The following ERCC2 variants were observed in gnomAD, a reference collection of about 807,000 sequenced individuals.
ERCC2 encodes the protein general transcription and DNA repair factor IIH helicase subunit XPD.
Under a neutral mutation model 99.4 loss-of-function variants are expected in ERCC2, and 90 were observed. The observed-to-expected ratio is 0.91, with a 90% confidence interval of 0.76 to 1.08. The LOEUF is 1.08. Among genes scored for constraint, ERCC2 ranks in the 50% least tolerant of loss-of-function variants. The probability of loss-of-function intolerance (pLI) is 0.00; values close to 1 mark genes in which losing one functional copy is unlikely to be tolerated. For synonymous variants in ERCC2, 497 were observed against 432.4 expected (o/e 1.15, Z -1.85); for missense variants, 993 against 1,038.1 (o/e 0.96, Z 0.60).
In ERCC2 at chr19:45,351,597, C is replaced by T. The variant is rs568309088; in HGVS notation, c.*32G>A. On this transcript the variant is annotated 3_prime_UTR_variant, in exon 23 of 23. Transcript: ENST00000391945. ...AGGGCCAGGCAAGACTCAGGAGTCA[C>T]CAGGAACCGTTTATGGCCCCACCCG... The T allele has an allele frequency of 3.1e-6, 5 of 1,612,614 alleles. No individual in the cohort carries two copies. The highest frequency in any genetic ancestry group is 4.2e-6 in the Non-Finnish European group (5 of 1,179,584).
chr19:45,355,706 T>TG lies in ERCC2; in HGVS notation c.1501dup (p.Gln501ProfsTer9). Reference sequence around the variant, plus strand: ...CTCAAATTTGGAGCTGATGGCCACCTGGTCATTGCCACGGCCGATGATCTG... The same window carrying TG: ...CTCAAATTTGGAGCTGATGGCCACCTGGGTCATTGCCACGGCCGATGATCTG... On this transcript the variant is annotated frameshift_variant, in exon 16 of 23. Transcript: ENST00000391945. LOFTEE classifies it high-confidence loss of function. 1 of 1,614,094 alleles carries TG rather than the reference T, an allele frequency of 6.2e-7. No homozygotes were observed. Among genetic ancestry groups the TG allele is most frequent in the Non-Finnish European group, 8.5e-7 (1 of 1,180,006 alleles).
At position 45,350,818 on chromosome 19, in the gene ERCC2, C is replaced by G. The variant is rs978531123; in HGVS notation, c.*811G>C. ...CCACAGCCCACCCCACCCCCACCCC[C>G]ATCTTGCTCAAGAACCTTCCATGGC... On this transcript the variant is annotated 3_prime_UTR_variant, in exon 23 of 23. Coordinates refer to ENST00000391945, the MANE Select transcript of ERCC2 (RefSeq NM_000400.4). 3.7e-6 allele frequency: 5 copies of G among 1,358,830 alleles called. No individual in the cohort carries two copies. The African/African-American group carries it at 5.7e-5, about 16-fold the overall frequency. The allele number at this position is 1,358,830 out of a possible 1,614,324, so 84.2% of individuals were successfully genotyped here. A position where few individuals can be genotyped will look rare whatever the true frequency, so the allele number is the denominator to read the frequency against.
chr19:45,352,467 G>A (rs764227640), intron 21 of ERCC2, 39 bp downstream of exon 21: 3 of 1,613,970 alleles, frequency 1.9e-6, no homozygotes, highest in Non-Finnish European at 2.5e-6. Flanking sequence ...GGTTCTTGGA[G>A]CCTGGGATGG....
chr19:45,350,241 C>T lies in ERCC2; in HGVS notation c.*1388G>A. 1 of 860,390 alleles carries T rather than the reference C, an allele frequency of 1.2e-6. No individual in the cohort carries two copies. The allele number at this position is 860,390 out of a possible 1,614,324, so 53.3% of individuals were successfully genotyped here. On this transcript the variant is annotated 3_prime_UTR_variant, in exon 23 of 23. Transcript: ENST00000391945. ...GTTCAAGACCAGCCTGGGCAACATA[C>T]CAAGACCCCTGTCTCTACAAAAAAA...
Position 45,350,149 on chromosome 19 carries a change from T to TGGTGGTTCA in ERCC2, c.*1471_*1479dup, listed in dbSNP as rs1971655091. ...GCACATTAGAAAGTGGGGCCAGACGTGGTGGTTCACGCTTGTAACCCCAAC... is the reference window on the plus strand; with the variant it reads ...GCACATTAGAAAGTGGGGCCAGACGTGGTGGTTCAGGTGGTTCACGCTTGTAACCCCAAC... On this transcript the variant is annotated 3_prime_UTR_variant, in exon 23 of 23. Coordinates refer to ENST00000391945, the MANE Select transcript of ERCC2 (RefSeq NM_000400.4). The TGGTGGTTCA allele has an allele frequency of 3.4e-6, 2 of 591,380 alleles. No individual in the cohort carries two copies. Among genetic ancestry groups the TGGTGGTTCA allele is most frequent in the Admixed American group, 6.0e-5 (2 of 33,440 alleles). The allele number at this position is 591,380 out of a possible 1,614,324, so 36.6% of individuals were successfully genotyped here.
chr19:45,363,628 A>G (rs764977601), intron 11 of ERCC2, 115 bp downstream of exon 11: 246 of 1,236,076 alleles, frequency 2.0e-4, no homozygotes, highest in Non-Finnish European at 2.6e-4. Flanking sequence ...TGCCTCGCCC[A>G]GCTCACTCAC....
intron 1 of ERCC2, 68 bp downstream of exon 1, chr19:45,370,468 C>A: frequency 2.6e-6 from 4 of 1,534,138 alleles, no homozygotes; most frequent in Non-Finnish European, 3.5e-6. Context: ...CAGGCGCGCC[C>A]ACCGATGACC....
At chr19:45,353,629 G>GCC (rs1971908154) in intron 17 of ERCC2, among the ~76,000 whole-genome samples, 1 of 152,204 alleles carries the variant, frequency 6.6e-6, no homozygotes, top group Non-Finnish European at 1.5e-5. Flanking sequence ...GAGGCAGGCA[G>GCC]AGCCAATCAG....
Position 45,363,790 on chromosome 19 carries a change from G to T in ERCC2, c.1071C>A (p.Phe357Leu). 6.5e-7 allele frequency: 1 copy of T among 1,539,104 alleles called. No homozygotes were observed. Among genetic ancestry groups the T allele is most frequent in the African/African-American group, 1.4e-5 (1 of 73,268 alleles). ...QHVVQESPPA[F>L]LSGLAQRVCI... ...ACACGCGCTGGGCCAGGCCGCTCAG[G>T]AAGGCGGGCGGGCTCTCCTGCACCA... Residue 357 changes from phenylalanine (F) to leucine (L), a missense_variant, in exon 11 of 23, where the codon TTC (phenylalanine) becomes TTA (leucine). Phe to Leu is a conservative substitution (Grantham distance 22). Coordinates refer to ENST00000391945, the MANE Select transcript of ERCC2 (RefSeq NM_000400.4).
Position 45,357,614 on chromosome 19 carries a change from C to A in ERCC2, c.1307+16G>T. ...GACCCACAGAGCATTCACACCCTCACCGGGCAGGGTCCCACCTGAAGTGCA... is the reference window on the plus strand; with the variant it reads ...GACCCACAGAGCATTCACACCCTCAACGGGCAGGGTCCCACCTGAAGTGCA... On this transcript the variant is annotated intron_variant, in intron 13 of 22. Coordinates refer to ENST00000391945, the MANE Select transcript of ERCC2 (RefSeq NM_000400.4). 4.3e-6 allele frequency: 7 copies of A among 1,614,090 alleles called. No homozygotes were observed. Among genetic ancestry groups the A allele is most frequent in the African/African-American group, 1.3e-5 (1 of 75,048 alleles).
chr19:45,355,005 C>T (rs960440777), intron 16 of ERCC2, among the ~76,000 whole-genome samples, 154 bp from the exon 17 acceptor site: 4 of 152,166 alleles, frequency 2.6e-5, no homozygotes, highest in African/African-American at 7.2e-5. Flanking sequence ...TCTGAGGACC[C>T]GCCTTGCCAC....
At chr19:45,368,820 C>CT (rs1280263944) in intron 4 of ERCC2, 77 bp from the exon 5 acceptor site, 55 of 1,555,578 alleles carry the variant, frequency 3.5e-5, no homozygotes, top group Non-Finnish European at 4.9e-5. Flanking sequence ...GTCCCAGTCT[C>CT]TTCCCCAGCT....
At chr19:45,359,995 G>A (rs375274914) in intron 12 of ERCC2, among the ~76,000 whole-genome samples, 27 of 151,638 alleles carry the variant, frequency 1.8e-4, no homozygotes, top group South Asian at 8.3e-4. Context: ...GGCTGGTCTC[G>A]AACTCCTGAC....
intron 17 of ERCC2, 75 bp downstream of exon 17, chr19:45,354,655 G>C (rs1971950116): frequency 8.8e-6 from 14 of 1,585,146 alleles, no homozygotes; most frequent in Middle Eastern, 1.9e-4. Context: ...GAGTGTGAGA[G>C]GAATGAAGCT....
At position 45,365,195 on chromosome 19, in the gene ERCC2, G is replaced by A. The variant is rs767739535; in HGVS notation, c.361-37C>T. The stretch of plus-strand genomic sequence containing the variant: ...GGGCATCTTAGCACCCAGACAGGGT[G>A]GAAACCCAACCACTCTTCAAACCCT... On this transcript the variant is annotated intron_variant, in intron 5 of 22. Coordinates refer to ENST00000391945, the MANE Select transcript of ERCC2 (RefSeq NM_000400.4). 1.2e-5 allele frequency: 19 copies of A among 1,551,016 alleles called. No homozygotes were observed. In the African/African-American group the frequency reaches 1.9e-4, roughly 16 times the overall value.
chr19:45,351,570 C>T lies in ERCC2; in HGVS notation c.*59G>A, dbSNP rs1599721468. 2.5e-6 allele frequency: 4 copies of T among 1,610,684 alleles called. No individual in the cohort carries two copies. The East Asian group carries it at 8.9e-5, about 36-fold the overall frequency. Reference sequence around the variant, plus strand: ...CTTCTAGCACCACCGCCGCTGGGAACCAGGGCCAGGCAAGACTCAGGAGTC... The same window carrying T: ...CTTCTAGCACCACCGCCGCTGGGAATCAGGGCCAGGCAAGACTCAGGAGTC... On this transcript the variant is annotated 3_prime_UTR_variant, in exon 23 of 23. Coordinates refer to ENST00000391945, the MANE Select transcript of ERCC2 (RefSeq NM_000400.4).
In ERCC2 at chr19:45,364,462, C is replaced by T. The variant is rs150708456; in HGVS notation, c.680G>A (p.Arg227His). The T allele has an allele frequency of 1.3e-5, 21 of 1,613,872 alleles. No individual in the cohort carries two copies. The African/African-American group carries it at 1.6e-4, about 12-fold the overall frequency. Reference sequence around the variant, plus strand: ...CTCGTCGAAGACCACGACGGCCTTGCGGGCCAGTTCCTTGGACACCAGGTC... The same window carrying T: ...CTCGTCGAAGACCACGACGGCCTTGTGGGCCAGTTCCTTGGACACCAGGTC... ...IADLVSKELA[R>H]KAVVVFDEAH... Residue 227 changes from arginine to histidine, a missense_variant, in exon 8 of 23, where the codon CGC becomes CAC. Arg to His is a conservative substitution (Grantham distance 29, BLOSUM62 0). Coordinates refer to ENST00000391945, the MANE Select transcript of ERCC2 (RefSeq NM_000400.4).
At position 45,352,789 on chromosome 19, in the gene ERCC2, A is replaced by C; in HGVS notation, c.1859T>G (p.Met620Arg). 1 of 1,609,062 alleles carries C rather than the reference A, an allele frequency of 6.2e-7. No homozygotes were observed. Among genetic ancestry groups the C allele is most frequent in the Non-Finnish European group, 8.5e-7 (1 of 1,177,930 alleles). ...FVHHYGRAVI[M>R]FGVPYVYTQS... ...TGTGTAGACGTAGGGGACGCCAAAC[A>C]TGATGACGGCCCGCCCGTAGTGGTG... is the stretch of plus-strand genomic sequence containing the variant. Residue 620 changes from methionine (M) to arginine (R), a missense_variant, in exon 20 of 23, where the codon ATG becomes AGG. Around this residue, in one of 3 missense-constraint regions of ERCC2, gnomAD observed 909 missense variants for 930.8 expected, o/e 0.98. Coordinates refer to ENST00000391945, the MANE Select transcript of ERCC2 (RefSeq NM_000400.4).
rs552351088 is a variant in ERCC2, at chr19:45,359,780, CT to C, written c.1237+1743del. Among the ~76,000 whole-genome samples, 1,061 of 142,084 alleles carry C rather than the reference CT, an allele frequency of 7.5e-3. 4 individuals carry two copies. The highest frequency in any genetic ancestry group is 0.022 in the African/African-American group (813 of 37,614). 93.2% of individuals were successfully genotyped at this position (142,084 alleles called of 152,430 possible). ...GCCTCTAGTCCCTGCCAGAAGAACTCTTTTTTTTTTTTTGAGACAGACTCTC... is the reference window on the plus strand; with the variant it reads ...GCCTCTAGTCCCTGCCAGAAGAACTCTTTTTTTTTTTTGAGACAGACTCTC... On this transcript the variant is annotated intron_variant, in intron 12 of 22. Coordinates refer to ENST00000391945, the MANE Select transcript of ERCC2 (RefSeq NM_000400.4).
Sources: allele counts gnomAD v4.1 joint callset (sites outside exome capture counted in the v4.1 genomes callset), GRCh38; gene constraint gnomAD v4.1.1; regional missense constraint gnomAD v4.1.1; transcripts MANE v1.5; gene names NCBI Gene and HGNC (gene_info 2026-07-23, HGNC 2026-07-21).